PCDHA4: variants seen among roughly 807,000 people sequenced by gnomAD.
PCDHA4 encodes protocadherin alpha-4.
In PCDHA4, 49 loss-of-function variants were observed where a neutral mutation model predicts 61.4. That is an observed-to-expected ratio of 0.80 (90% confidence interval 0.63 to 1.01). The LOEUF is 1.01. Among genes scored for constraint, PCDHA4 ranks in the 50% least tolerant of loss-of-function variants. The probability of loss-of-function intolerance (pLI) is 0.00; values close to 1 mark genes in which losing one functional copy is unlikely to be tolerated. For missense variants in PCDHA4, 1,254 were observed against 1,235.8 expected, an observed-to-expected ratio of 1.01 and a Z score of -0.22; for synonymous variants, 590 against 550.3, an observed-to-expected ratio of 1.07 and a Z score of -1.01.
At chr5:140,927,095 TG>T in intron 1 of PCDHA4, 1 of 1,612,210 alleles carries the variant, frequency 6.2e-7, no homozygotes, top group Non-Finnish European at 8.5e-7. Flanking sequence ...TACTTCGGGG[TG>T]GATCTACCCA....
At chr5:140,937,190 A>T (rs1255488487) in intron 1 of PCDHA4, among the ~76,000 whole-genome samples, 1 of 151,824 alleles carries the variant, frequency 6.6e-6, no homozygotes, top group East Asian at 2.0e-4. Context: ...GGCGCCCGCC[A>T]CCATGCCCGG....
chr5:140,864,404 G>A (rs2048464520), intron 1 of PCDHA4: 1 of 152,228 alleles, frequency 6.6e-6, no homozygotes. Flanking sequence ...GTGATGAGCA[G>A]GGTTGAGGCA....
chr5:140,843,088 C>A (rs1554139726), intron 1 of PCDHA4: 4 of 1,595,530 alleles, frequency 2.5e-6, no homozygotes, highest in African/African-American at 1.3e-5. Context: ...GCGCGGGCCA[C>A]GTGGTAGCGA....
chr5:140,857,296 G>A, intron 1 of PCDHA4: 1 of 1,598,680 alleles, frequency 6.3e-7, no homozygotes, highest in Non-Finnish European at 8.6e-7. Flanking sequence ...ACCGCGAGAG[G>A]GTGTCGGCCT....
chr5:140,870,510 A>T, intron 1 of PCDHA4: 1 of 1,614,220 alleles, frequency 6.2e-7, no homozygotes, highest in Non-Finnish European at 8.5e-7. Context: ...ACAACCCACC[A>T]GGCTGCCACA....
intron 1 of PCDHA4, chr5:140,866,669 T>C (rs571274167): frequency 6.6e-6 from 1 of 152,260 alleles, no homozygotes; most frequent in South Asian, 2.1e-4. Context: ...CAAGAAATAA[T>C]AGCACTAGGT....
At chr5:140,983,018 A>T (rs2097022598) in intron 3 of PCDHA4, among the ~76,000 whole-genome samples, 1 of 152,096 alleles carries the variant, frequency 6.6e-6, no homozygotes, top group African/African-American at 2.4e-5. Flanking sequence ...GGAAGGAAGG[A>T]AGGAAGATGG....
intron 1 of PCDHA4, chr5:140,834,765 G>T: frequency 1.2e-6 from 2 of 1,614,098 alleles, no homozygotes; most frequent in African/African-American, 1.3e-5. Context: ...GGACATTAAC[G>T]ACAACCCTCC....
In PCDHA4 at chr5:140,936,000, C is replaced by T. The variant is rs370629183; in HGVS notation, c.2386-42949C>T. Among the ~76,000 whole-genome samples, 13 of 150,536 alleles carry T rather than the reference C, an allele frequency of 8.6e-5. No homozygotes were observed. In the East Asian group the frequency reaches 1.6e-3, roughly 18 times the overall value. ...CTCTGCCTCCCGGGTTCAAGCGATT[C>T]TCCCACCTCAGCCTCCCGAGTAGCG... On this transcript the variant is annotated intron_variant, in intron 1 of 3. Coordinates refer to ENST00000530339, the MANE Select transcript of PCDHA4 (RefSeq NM_018907.4).
intron 1 of PCDHA4, among the ~76,000 whole-genome samples, chr5:140,949,801 C>T (rs964520875): frequency 6.6e-5 from 10 of 151,836 alleles, no homozygotes; most frequent in African/African-American, 2.4e-4. Context: ...TCCTTCAATA[C>T]ATTATTTGCT....
chr5:140,946,629 T>TATATATATATATATATATATAC (rs1367833800), intron 1 of PCDHA4, among the ~76,000 whole-genome samples: 1 of 123,274 alleles, frequency 8.1e-6, no homozygotes, highest in African/African-American at 3.0e-5. Context: ...TATATATATA[T>TATATATATATATATATATATAC]ATACAATGGA....
At chr5:140,974,108 C>G (rs977903039) in intron 1 of PCDHA4, among the ~76,000 whole-genome samples, 1 of 152,182 alleles carries the variant, frequency 6.6e-6, no homozygotes, top group Non-Finnish European at 1.5e-5. Flanking sequence ...TAAAAGTATT[C>G]TTTTGCAGTG....
intron 1 of PCDHA4, among the ~76,000 whole-genome samples, chr5:140,912,772 A>T (rs897864498): frequency 1.3e-5 from 2 of 152,190 alleles, no homozygotes; most frequent in South Asian, 4.1e-4. Flanking sequence ...ACTTTGAGGT[A>T]TGTCCCTTCT....
At chr5:140,947,299 C>T (rs547529076) in intron 1 of PCDHA4, among the ~76,000 whole-genome samples, 1 of 151,554 alleles carries the variant, frequency 6.6e-6, no homozygotes, top group South Asian at 2.1e-4. Context: ...ATTATCTTGA[C>T]ATCTTTGTAA....
intron 1 of PCDHA4, chr5:140,811,112 A>T (rs1463605915): frequency 6.6e-6 from 1 of 152,084 alleles, no homozygotes; most frequent in Non-Finnish European, 1.5e-5. Flanking sequence ...GCACCCATCA[A>T]CTCATCATTT....
rs2879087 is a variant in PCDHA4 at position 140,808,990 on chromosome 5, G to A, written c.1803G>A (p.Ser601=). 28 of 1,613,530 alleles carry A rather than the reference G, an allele frequency of 1.7e-5. No individual in the cohort carries two copies. Among genetic ancestry groups the A allele is most frequent in the South Asian group, 8.8e-5 (8 of 91,062 alleles). ...AGGTGCGCGCGGTGGATGCTGACTC[G>A]GGCTACAACGCGTGGCTTTCGTACG... The part of the protein sequence containing the change: ...VAKVRAVDAD[S]GYNAWLSYEL... Residue 601 remains serine (S), a synonymous_variant, in exon 1 of 4, where the codon TCG becomes TCA. Coordinates refer to ENST00000530339, the MANE Select transcript of PCDHA4 (RefSeq NM_018907.4).
intron 1 of PCDHA4, among the ~76,000 whole-genome samples, chr5:140,905,993 TG>T (rs1314051308): frequency 6.6e-6 from 1 of 152,176 alleles, no homozygotes; most frequent in African/African-American, 2.4e-5. Flanking sequence ...AGATGTAGGC[TG>T]GGAGGCTAAG....
At chr5:140,830,546 A>G (rs2150187698) in intron 1 of PCDHA4, 3 of 1,142,724 alleles carry the variant, frequency 2.6e-6, no homozygotes, top group Non-Finnish European at 3.5e-6. Flanking sequence ...TGTTTTCCTC[A>G]TATTTGTCTT....
chr5:140,924,436 A>T (rs2153572390), intron 1 of PCDHA4, among the ~76,000 whole-genome samples: 1 of 152,318 alleles, frequency 6.6e-6, no homozygotes, highest in East Asian at 1.9e-4. Context: ...CCTAGAAGAG[A>T]TAACGAATGG....
Sources: allele counts gnomAD v4.1 joint callset (sites outside exome capture counted in the v4.1 genomes callset), GRCh38; gene constraint gnomAD v4.1.1; transcripts MANE v1.5; gene names NCBI Gene and HGNC (gene_info 2026-07-23, HGNC 2026-07-21).